Variants in LHFPL2 observed in about 807,000 individuals in gnomAD.
LHFPL2 encodes LHFPL tetraspan subfamily member 2, also known as LHFPL tetraspan subfamily member 2 protein.
LHFPL2 carries 7 observed loss-of-function variants against 17.5 expected under a neutral mutation model. That is an observed-to-expected ratio of 0.40 (90% confidence interval 0.23 to 0.75). The LOEUF (loss-of-function observed/expected upper bound fraction) is 0.75, where lower values mean the gene tolerates loss of function less well. Among genes scored for constraint, LHFPL2 ranks in the 30% least tolerant of loss-of-function variants. The probability of loss-of-function intolerance (pLI) is 0.37; values close to 1 mark genes in which losing one functional copy is unlikely to be tolerated. For synonymous variants in LHFPL2, 134 were observed against 116.2 expected, an observed-to-expected ratio of 1.15 and a Z score of -0.99; for missense variants, 241 against 294.8, an observed-to-expected ratio of 0.82 and a Z score of 1.34.
intron 1 of LHFPL2, among the ~76,000 whole-genome samples, chr5:78,640,634 T>C (rs1745630893): frequency 2.0e-5 from 3 of 152,200 alleles, no homozygotes; most frequent in South Asian, 2.1e-4. Flanking sequence ...ATACTACTTG[T>C]AGAAAATCTG....
Position 78,509,857 on chromosome 5 carries a change from G to A in LHFPL2, c.357C>T (p.Val119=), listed in dbSNP as rs1405069652. 3.1e-6 allele frequency: 5 copies of A among 1,613,886 alleles called. No homozygotes were observed. The highest frequency in any genetic ancestry group is 4.2e-6 in the Non-Finnish European group (5 of 1,180,040). The change falls in exon 4 of 5, where the codon GTC becomes GTT. Residue 119 remains valine (V), a synonymous_variant. Transcript: ENST00000380345. The stretch of plus-strand genomic sequence containing the variant: ...TGATGCTCTGTACACACATGGTGAA[G>A]ACGGACACCAAGGCCACCATGCAGA... The part of the protein sequence containing the change: ...FILCMVALVS[V]FTMCVQSIMK...
chr5:78,636,409 TCC>T (rs950862088), intron 1 of LHFPL2, among the ~76,000 whole-genome samples: 2 of 152,092 alleles, frequency 1.3e-5, no homozygotes, highest in Non-Finnish European at 2.9e-5. Flanking sequence ...ATCCAGCTGA[TCC>T]CCCCACACTG....
intron 3 of LHFPL2, among the ~76,000 whole-genome samples, chr5:78,553,458 C>T (rs1248220835): frequency 1.3e-5 from 2 of 152,204 alleles, no homozygotes; most frequent in Admixed American, 6.5e-5. Context: ...GACAAGGACA[C>T]TTTGGTACTG....
rs1451786661 is a variant in LHFPL2, at chr5:78,487,548, CATA to C, written c.*1346_*1348del. Reference sequence around the variant, plus strand: ...TATCATGATACAATTTTGAAGCTCCCATAATGTCAGAGTAGCTTGTTTCTGTGC... The same window carrying C: ...TATCATGATACAATTTTGAAGCTCCCATGTCAGAGTAGCTTGTTTCTGTGC... On this transcript the variant is annotated 3_prime_UTR_variant, in exon 5 of 5. Coordinates refer to ENST00000380345, the MANE Select transcript of LHFPL2 (RefSeq NM_005779.3). 3 of 152,166 alleles carry C rather than the reference CATA, an allele frequency of 2.0e-5. No individual in the cohort carries two copies. Among genetic ancestry groups the C allele is most frequent in the African/African-American group, 4.8e-5 (2 of 41,450 alleles). 9.4% of individuals were successfully genotyped at this position (152,166 alleles called of 1,614,324 possible). A position where few individuals can be genotyped will look rare whatever the true frequency, so the allele number is the denominator to read the frequency against.
intron 3 of LHFPL2, among the ~76,000 whole-genome samples, chr5:78,543,894 G>A (rs570334170): frequency 6.6e-6 from 1 of 152,352 alleles, no homozygotes; most frequent in East Asian, 1.9e-4. Context: ...GGAGGGGAGA[G>A]TCTGACTTTG....
intron 3 of LHFPL2, among the ~76,000 whole-genome samples, chr5:78,523,105 G>A (rs2112345182): frequency 7.3e-6 from 1 of 137,352 alleles, no homozygotes; most frequent in South Asian, 2.3e-4. Flanking sequence ...ACGTGTGTGT[G>A]TCTGTGGTGT....
intron 3 of LHFPL2, among the ~76,000 whole-genome samples, chr5:78,535,833 G>A (rs935011555): frequency 6.6e-6 from 1 of 152,180 alleles, no homozygotes; most frequent in Non-Finnish European, 1.5e-5. Context: ...ATGACAACAG[G>A]TGCCGGACTC....
chr5:78,552,800 G>T (rs1756481802), intron 3 of LHFPL2, among the ~76,000 whole-genome samples: 2 of 152,178 alleles, frequency 1.3e-5, no homozygotes, highest in Admixed American at 1.3e-4. Flanking sequence ...AATATTTCAG[G>T]TATAATATTG....
intron 1 of LHFPL2, among the ~76,000 whole-genome samples, chr5:78,639,761 T>TAATTCCC (rs1745603205): frequency 6.6e-6 from 1 of 152,268 alleles, no homozygotes; most frequent in Non-Finnish European, 1.5e-5. Context: ...GGTAAGTTTG[T>TAATTCCC]AATTCCCAGA....
intron 4 of LHFPL2, among the ~76,000 whole-genome samples, chr5:78,509,362 G>GC (rs1163074152): frequency 2.0e-5 from 3 of 152,158 alleles, no homozygotes; most frequent in Non-Finnish European, 2.9e-5. Flanking sequence ...CTTAATGAGC[G>GC]CCCCCGCTTA....
chr5:78,592,517 T>C (rs1743661716), intron 2 of LHFPL2, among the ~76,000 whole-genome samples: 4 of 152,228 alleles, frequency 2.6e-5, no homozygotes, highest in Admixed American at 2.6e-4. Context: ...TTCACAATTA[T>C]GTACGAGACT....
intron 3 of LHFPL2, among the ~76,000 whole-genome samples, chr5:78,528,013 A>G (rs1303415252): frequency 6.6e-6 from 1 of 152,150 alleles, no homozygotes; most frequent in Non-Finnish European, 1.5e-5. Flanking sequence ...GCTGCCAGCT[A>G]TTTTCCATCT....
At position 78,644,115 on chromosome 5, in the gene LHFPL2, T is replaced by G. The variant is rs1431262801; in HGVS notation, c.-350+4384A>C. On this transcript the variant is annotated intron_variant, in intron 1 of 4. Transcript: ENST00000380345. ...GCACAGGGTATCTAAAGATAACATT[T>G]GGTAGTGTGTTAACTATACAAAAAA... The G allele has an allele frequency of 4.5e-6, 2 of 447,276 alleles. 1 individual carries two copies. The allele number at this position is 447,276 out of a possible 1,614,324, so 27.7% of individuals were successfully genotyped here.
chr5:78,488,561 C>T lies in LHFPL2; in HGVS notation c.*336G>A, dbSNP rs904273671. The T allele has an allele frequency of 5.2e-4, 145 of 279,280 alleles. No homozygotes were observed. The highest frequency in any genetic ancestry group is 2.9e-3 in the African/African-American group (133 of 46,580). The allele number at this position is 279,280 out of a possible 1,614,324, so 17.3% of individuals were successfully genotyped here. On this transcript the variant is annotated 3_prime_UTR_variant, in exon 5 of 5. Transcript: ENST00000380345. ...AGAAACAGCCTGCAGATCTGGCGGA[C>T]GGTCTCTTCCGTTACCAGAGAAACT... is the stretch of plus-strand genomic sequence containing the variant.
chr5:78,631,897 C>T (rs1745262528), intron 2 of LHFPL2, among the ~76,000 whole-genome samples: 2 of 145,708 alleles, frequency 1.4e-5, no homozygotes, highest in Non-Finnish European at 3.0e-5. Context: ...GATCACGCCA[C>T]TGCACTCCAG....
chr5:78,552,522 G>A (rs1756474324), intron 3 of LHFPL2, among the ~76,000 whole-genome samples: 2 of 152,194 alleles, frequency 1.3e-5, no homozygotes, highest in South Asian at 2.1e-4. Context: ...GCTGCTTAAC[G>A]TAATAAGGGG....
chr5:78,545,506 T>C (rs1756245662), intron 3 of LHFPL2, among the ~76,000 whole-genome samples: 1 of 152,190 alleles, frequency 6.6e-6, no homozygotes, highest in Non-Finnish European at 1.5e-5. Flanking sequence ...TATTATTCAA[T>C]ACTTCCCAAG....
intron 2 of LHFPL2, among the ~76,000 whole-genome samples, chr5:78,583,069 T>A (rs1743209916): frequency 6.6e-6 from 1 of 152,206 alleles, no homozygotes; most frequent in African/African-American, 2.4e-5. Flanking sequence ...TCTTTGTTGC[T>A]TTAAAGTCTG....
At chr5:78,598,258 C>A (rs1743894054) in intron 2 of LHFPL2, among the ~76,000 whole-genome samples, 5 of 152,206 alleles carry the variant, frequency 3.3e-5, no homozygotes, top group Admixed American at 3.3e-4. Context: ...TTGATGACAT[C>A]ATCTCTTTGT....
Sources: allele counts gnomAD v4.1 joint callset (sites outside exome capture counted in the v4.1 genomes callset), GRCh38; gene constraint gnomAD v4.1.1; transcripts MANE v1.5; gene names NCBI Gene and HGNC (gene_info 2026-07-23, HGNC 2026-07-21).